Variants in MS4A13 observed in about 807,000 individuals in gnomAD.
MS4A13 encodes membrane-spanning 4-domains subfamily A member 13.
MS4A13 carries 21 observed loss-of-function variants against 18.4 expected under a neutral mutation model. The observed-to-expected ratio is 1.14, with a 90% CI of 0.81 to 1.64. The LOEUF (loss-of-function observed/expected upper bound fraction) is 1.64, where lower values mean the gene tolerates loss of function less well. Ranked by LOEUF, MS4A13 falls within the 40% of genes most tolerant of loss-of-function variation. The pLI is 0.00. For synonymous variants in MS4A13, 62 were observed against 57.2 expected (o/e 1.08, Z -0.38); for missense variants, 173 against 176.8 (o/e 0.98, Z 0.12).
intron 2 of MS4A13, 85 bp downstream of exon 2, chr11:60,516,169 G>A (rs2086636001): frequency 6.6e-6 from 1 of 150,478 alleles, no homozygotes; most frequent in South Asian, 2.1e-4. Flanking sequence ...AAGGGGGACA[G>A]ACTTGGTTAA....
intron 5 of MS4A13, among the ~76,000 whole-genome samples, chr11:60,527,410 C>CTGTG (rs1224398821): frequency 0.011 from 327 of 28,810 alleles, 12 homozygotes; most frequent in South Asian, 0.079. Flanking sequence ...CTCTCTCTCT[C>CTGTG]TGTGTGTGTG....
chr11:60,528,326 C>T (rs908542824), intron 5 of MS4A13, among the ~76,000 whole-genome samples: 1 of 152,188 alleles, frequency 6.6e-6, no homozygotes, highest in Non-Finnish European at 1.5e-5. Flanking sequence ...CTTCGTTTTT[C>T]TCAGTCCTAC....
intron 6 of MS4A13, among the ~76,000 whole-genome samples, chr11:60,541,218 C>G (rs2086855401): frequency 6.6e-6 from 1 of 152,100 alleles, no homozygotes; most frequent in African/African-American, 2.4e-5. Context: ...TGGGCATTAC[C>G]TACTAAAAAT....
chr11:60,520,688 G>A (rs776313341), intron 3 of MS4A13, among the ~76,000 whole-genome samples: 1 of 152,212 alleles, frequency 6.6e-6, no homozygotes, highest in Non-Finnish European at 1.5e-5. Context: ...CCCTGATCTG[G>A]CTGTTTTCAC....
chr11:60,538,785 A>C (rs2086833060), intron 6 of MS4A13, among the ~76,000 whole-genome samples: 1 of 140,110 alleles, frequency 7.1e-6, no homozygotes, highest in Non-Finnish European at 1.5e-5. Context: ...GCCTAATCTA[A>C]GCCCCTAAGC....
intron 3 of MS4A13, among the ~76,000 whole-genome samples, chr11:60,521,037 G>A (rs539043318): frequency 7.9e-5 from 12 of 152,324 alleles, no homozygotes; most frequent in Admixed American, 3.3e-4. Context: ...CTTGGGGCTC[G>A]CACCCTCTGA....
chr11:60,523,574 C>T (rs182041954), intron 3 of MS4A13, among the ~76,000 whole-genome samples: 92 of 152,236 alleles, frequency 6.0e-4, no homozygotes, highest in African/African-American at 2.1e-3. Flanking sequence ...AAGCAATAAT[C>T]AAATGAGTTA....
chr11:60,526,935 T>C (rs929628084), intron 5 of MS4A13, among the ~76,000 whole-genome samples: 4 of 152,268 alleles, frequency 2.6e-5, no homozygotes, highest in Non-Finnish European at 5.9e-5. Flanking sequence ...CAAGTTTTCT[T>C]TTGTGAGAAA....
Position 60,541,832 on chromosome 11 carries a change from C to T in MS4A13, c.403-687C>T, listed in dbSNP as rs555281263. 7.2e-5 allele frequency among the ~76,000 whole-genome samples: 11 copies of T among 152,226 alleles called. No individual in the cohort carries two copies. In the East Asian group the frequency reaches 2.1e-3, roughly 29 times the overall value. On this transcript the variant is annotated intron_variant, in intron 6 of 6. Coordinates refer to ENST00000378186, the MANE Select transcript of MS4A13 (RefSeq NM_001012417.3). ...GTAGGTTGAAGGCTGGGCATGGTGG[C>T]TCACACCTGTAATCATAACACTTTG...
intron 2 of MS4A13, among the ~76,000 whole-genome samples, chr11:60,516,748 A>C (rs2135244949): frequency 6.6e-6 from 1 of 152,316 alleles, no homozygotes; most frequent in South Asian, 2.1e-4. Flanking sequence ...TCATTTTTAA[A>C]TAAGAAAACC....
chr11:60,521,386 G>C (rs192042544), intron 3 of MS4A13, among the ~76,000 whole-genome samples: 45 of 152,188 alleles, frequency 3.0e-4, no homozygotes, highest in Admixed American at 1.5e-3. Context: ...TTTATGCTGT[G>C]CTTGCCTTAT....
intron 5 of MS4A13, among the ~76,000 whole-genome samples, chr11:60,528,205 A>G (rs1256976051): frequency 2.0e-5 from 3 of 152,176 alleles, no homozygotes. Flanking sequence ...CAATTTTTAA[A>G]TTATTTTGTC....
chr11:60,527,396 CTCTCTCTCTCTCTCTG>C (rs2086723868), intron 5 of MS4A13, among the ~76,000 whole-genome samples: 3 of 105,766 alleles, frequency 2.8e-5, no homozygotes, highest in African/African-American at 9.1e-5. Context: ...CTCTCTCTCT[CTCTCTCTCTCTCTCTG>C]TGTGTGTGTG....
Position 60,523,882 on chromosome 11 carries a change from T to C in MS4A13, c.130-15T>C. Reference sequence around the variant, plus strand: ...CATTATCAATGAGTATTTATAAATATGTTTTTATATCCAGTTTATCATTGC... The same window carrying C: ...CATTATCAATGAGTATTTATAAATACGTTTTTATATCCAGTTTATCATTGC... On this transcript the variant is annotated splice_polypyrimidine_tract_variant and intron_variant, in intron 3 of 6. Coordinates refer to ENST00000378186, the MANE Select transcript of MS4A13 (RefSeq NM_001012417.3). The C allele has an allele frequency of 1.5e-6, 2 of 1,370,270 alleles. No individual in the cohort carries two copies. Among genetic ancestry groups the C allele is most frequent in the East Asian group, 2.3e-5 (1 of 43,664 alleles). 84.9% of individuals were successfully genotyped at this position (1,370,270 alleles called of 1,614,324 possible).
At chr11:60,532,601 G>A (rs1396861755) in intron 6 of MS4A13, among the ~76,000 whole-genome samples, 9 of 151,956 alleles carry the variant, frequency 5.9e-5, no homozygotes, top group Admixed American at 4.6e-4. Context: ...GGGGAGGGGC[G>A]CCCGCCATTG....
chr11:60,525,274 T>C lies in MS4A13; in HGVS notation c.254T>C (p.Ile85Thr). Residue 85 changes from isoleucine (I) to threonine (T), a missense_variant, in exon 5 of 7, where the codon ATA (isoleucine) becomes ACA (threonine). Transcript: ENST00000378186. The part of the protein sequence containing the change: ...ITTITAVTLT[I>T]IELSHFNSVS... ...ACAATTACTGCAGTAACTCTAACAA[T>C]AATAGAGTTGTCTCATTTTAATTCT... The C allele has an allele frequency of 6.3e-7, 1 of 1,588,338 alleles. No individual in the cohort carries two copies. Among genetic ancestry groups the C allele is most frequent in the South Asian group, 1.1e-5 (1 of 89,816 alleles).
rs371706460 is a variant in MS4A13, at chr11:60,535,400, A to G, written c.402+5940A>G. ...ATCAGAGAATACTACAAACACCTCTACGCAAATAAACTAGAAAATCTAGAA... is the reference window on the plus strand; with the variant it reads ...ATCAGAGAATACTACAAACACCTCTGCGCAAATAAACTAGAAAATCTAGAA... On this transcript the variant is annotated intron_variant, in intron 6 of 6. Transcript: ENST00000378186. 2.6e-4 allele frequency among the ~76,000 whole-genome samples: 32 copies of G among 122,938 alleles called. 2 individuals carry two copies. In the East Asian group the frequency reaches 3.9e-3, roughly 15 times the overall value. The allele number at this position is 122,938 out of a possible 152,430, so 80.7% of individuals were successfully genotyped here. A position where few individuals can be genotyped will look rare whatever the true frequency, so the allele number is the denominator to read the frequency against.
At chr11:60,520,773 G>A (rs1343505678) in intron 3 of MS4A13, among the ~76,000 whole-genome samples, 2 of 152,196 alleles carry the variant, frequency 1.3e-5, no homozygotes, top group Admixed American at 6.5e-5. Context: ...GGGGTCTGGA[G>A]GATGGTGGCC....
At chr11:60,528,655 T>G (rs1466349269) in intron 5 of MS4A13, among the ~76,000 whole-genome samples, 1 of 152,168 alleles carries the variant, frequency 6.6e-6, no homozygotes, top group Non-Finnish European at 1.5e-5. Flanking sequence ...ATGATGTCAT[T>G]CTTTCTAGTT....
Sources: gnomAD v4.1 joint callset for allele counts (sites outside exome capture counted in the v4.1 genomes callset) on GRCh38, gnomAD v4.1.1 for gene constraint, MANE v1.5 for transcripts, NCBI Gene and HGNC (gene_info 2026-07-23, HGNC 2026-07-21) for gene names.